Variants in MEMO1 observed in about 807,000 individuals in gnomAD.
MEMO1 encodes the protein protein MEMO1.
In MEMO1, 6 loss-of-function variants were observed where a neutral mutation model predicts 45.2. That is an observed-to-expected ratio of 0.13 (90% confidence interval 0.07 to 0.26). The LOEUF is 0.26. Ranked by LOEUF, MEMO1 falls within the 10% of genes least tolerant of loss-of-function variation. The probability of loss-of-function intolerance (pLI) is 1.00; values close to 1 mark genes in which losing one functional copy is unlikely to be tolerated. For synonymous variants in MEMO1, 78 were observed against 124.3 expected (o/e 0.63, Z 2.48); for missense variants, 184 against 370.5 (o/e 0.50, Z 4.13).
intron 6 of MEMO1, among the ~76,000 whole-genome samples, chr2:31,902,127 T>C (rs1447074597): frequency 6.6e-6 from 1 of 151,386 alleles, no homozygotes; most frequent in South Asian, 2.1e-4. Flanking sequence ...TAAAAACAAA[T>C]TTTTTTAGAC....
At chr2:31,987,280 T>A (rs1013423961) in intron 2 of MEMO1, among the ~76,000 whole-genome samples, 3 of 152,170 alleles carry the variant, frequency 2.0e-5, no homozygotes, top group Admixed American at 1.3e-4. Flanking sequence ...ATTACAGGTG[T>A]GAGCCACCTT....
intron 2 of MEMO1, among the ~76,000 whole-genome samples, chr2:31,946,315 T>C (rs1666192334): frequency 6.6e-6 from 1 of 152,204 alleles, no homozygotes; most frequent in Admixed American, 6.5e-5. Flanking sequence ...TCCTTCTGTA[T>C]ATATTTATAA....
At chr2:31,908,105 T>C (rs1326305366) in intron 6 of MEMO1, among the ~76,000 whole-genome samples, 1 of 152,190 alleles carries the variant, frequency 6.6e-6, no homozygotes, top group Non-Finnish European at 1.5e-5. Flanking sequence ...TACATGGTAC[T>C]TGGGTCATTC....
At chr2:31,898,900 T>C (rs943452373) in intron 6 of MEMO1, among the ~76,000 whole-genome samples, 2 of 152,218 alleles carry the variant, frequency 1.3e-5, no homozygotes, top group Non-Finnish European at 2.9e-5. Context: ...TGCTCCTGTA[T>C]TGGGTGCAAA....
chr2:31,970,990 C>T (rs1475247179), intron 2 of MEMO1, among the ~76,000 whole-genome samples: 4 of 152,092 alleles, frequency 2.6e-5, no homozygotes, highest in Admixed American at 2.0e-4. Flanking sequence ...GGTGACAGAG[C>T]GAGACTCCAT....
intron 6 of MEMO1, among the ~76,000 whole-genome samples, chr2:31,911,386 G>A (rs187063352): frequency 3.3e-5 from 5 of 152,254 alleles, no homozygotes; most frequent in South Asian, 2.1e-4. Flanking sequence ...AGAAGAAGGC[G>A]ATGAATAGGT....
chr2:32,007,858 T>C (rs1173682371), intron 2 of MEMO1, among the ~76,000 whole-genome samples: 2 of 152,260 alleles, frequency 1.3e-5, no homozygotes, highest in Non-Finnish European at 2.9e-5. Flanking sequence ...ACTTCATTTA[T>C]TTTTAAAATA....
chr2:31,960,366 G>C (rs1297102977), intron 2 of MEMO1, among the ~76,000 whole-genome samples: 1 of 152,022 alleles, frequency 6.6e-6, no homozygotes, highest in Non-Finnish European at 1.5e-5. Context: ...TTTTATCTAA[G>C]GACATCAAAG....
chr2:31,876,654 CA>C (rs1173488702), intron 8 of MEMO1, among the ~76,000 whole-genome samples: 1 of 152,136 alleles, frequency 6.6e-6, no homozygotes, highest in African/African-American at 2.4e-5. Context: ...GCAAACATAA[CA>C]TATCCCTAAT....
chr2:31,990,725 T>C (rs1006180856), intron 2 of MEMO1, among the ~76,000 whole-genome samples: 2 of 152,052 alleles, frequency 1.3e-5, no homozygotes, highest in Non-Finnish European at 2.9e-5. Context: ...GTAACTTTTA[T>C]AGCTTCTCAG....
At chr2:31,915,233 G>A (rs1281797518) in intron 6 of MEMO1, among the ~76,000 whole-genome samples, 1 of 152,092 alleles carries the variant, frequency 6.6e-6, no homozygotes, top group East Asian at 1.9e-4. Context: ...TGAGCCTAGG[G>A]TCATAGCAAG....
At chr2:31,954,391 T>C (rs1667174625) in intron 2 of MEMO1, among the ~76,000 whole-genome samples, 1 of 152,044 alleles carries the variant, frequency 6.6e-6, no homozygotes, top group East Asian at 1.9e-4. Context: ...CGTGACCAGC[T>C]TGGTCAACAT....
intron 2 of MEMO1, among the ~76,000 whole-genome samples, chr2:31,997,854 G>A (rs919900925): frequency 1.3e-5 from 2 of 152,194 alleles, no homozygotes; most frequent in African/African-American, 4.8e-5. Flanking sequence ...TTGCCTCTGT[G>A]TAAAGAACAG....
At chr2:31,885,936 C>T (rs1240728944) in intron 7 of MEMO1, among the ~76,000 whole-genome samples, 2 of 152,180 alleles carry the variant, frequency 1.3e-5, no homozygotes, top group East Asian at 1.9e-4. Context: ...AAAGTCTATA[C>T]TTTAAATTGC....
intron 4 of MEMO1, chr2:31,923,878 C>A: frequency 9.5e-7 from 1 of 1,055,320 alleles, no homozygotes; most frequent in Non-Finnish European, 1.3e-6. Context: ...CAGAGGTCTG[C>A]TGGAAGCCTA....
intron 2 of MEMO1, among the ~76,000 whole-genome samples, chr2:31,975,907 G>A (rs1398171208): frequency 1.3e-5 from 2 of 151,522 alleles, no homozygotes; most frequent in East Asian, 3.9e-4. Context: ...TCTTTTCTTT[G>A]CTTTTTTGAG....
intron 8 of MEMO1, among the ~76,000 whole-genome samples, chr2:31,873,601 C>A (rs1220950009): frequency 6.6e-6 from 1 of 152,124 alleles, no homozygotes; most frequent in Non-Finnish European, 1.5e-5. Context: ...AGAAGGAAAT[C>A]TCTCCCAAAA....
At chr2:31,870,648 C>A (rs572106518) in intron 8 of MEMO1, among the ~76,000 whole-genome samples, 97 of 152,172 alleles carry the variant, frequency 6.4e-4, no homozygotes, top group Non-Finnish European at 1.2e-3. Flanking sequence ...GCGATCTCAG[C>A]TCACTGCAAC....
chr2:31,935,005 T>G (rs1664745877), intron 3 of MEMO1, among the ~76,000 whole-genome samples: 1 of 152,214 alleles, frequency 6.6e-6, no homozygotes, highest in African/African-American at 2.4e-5. Context: ...ATAATAATAG[T>G]AACATTTACT....
Sources: gnomAD v4.1 joint callset for allele counts (sites outside exome capture counted in the v4.1 genomes callset) on GRCh38, gnomAD v4.1.1 for gene constraint, MANE v1.5 for transcripts, NCBI Gene and HGNC (gene_info 2026-07-23, HGNC 2026-07-21) for gene names.